AP3S1: variants seen among roughly 807,000 people sequenced by gnomAD.
The protein encoded by AP3S1 is adaptor related protein complex 3 subunit sigma 1, also known as AP-3 complex subunit sigma-1.
A neutral mutation model predicts 21.3 loss-of-function variants in AP3S1; 12 were observed. The observed-to-expected ratio is 0.56, with a 90% confidence interval of 0.36 to 0.91. The LOEUF is 0.91. AP3S1 is among the 40% of genes least tolerant of loss of function. AP3S1 has a pLI of 0.01. For synonymous variants in AP3S1, 48 were observed against 78.4 expected, an observed-to-expected ratio of 0.61 and a Z score of 2.05; for missense variants, 116 against 225.0, an observed-to-expected ratio of 0.52 and a Z score of 3.10.
chr5:115,913,165 A>G (rs549669385), intron 5 of AP3S1, among the ~76,000 whole-genome samples, 197 bp from the exon 6 acceptor site: 49 of 152,166 alleles, frequency 3.2e-4, no homozygotes, highest in Non-Finnish European at 3.7e-4. Flanking sequence ...TGTTCACTGT[A>G]TTTTTTAATG....
At chr5:115,842,237 C>A (rs1761637703) in intron 1 of AP3S1, 131 bp downstream of exon 1, 8 of 1,339,764 alleles carry the variant, frequency 6.0e-6, no homozygotes, top group South Asian at 1.6e-5. Flanking sequence ...GCCTGGCGCT[C>A]GCCAGCTGTC....
intron 1 of AP3S1, among the ~76,000 whole-genome samples, chr5:115,850,571 G>C (rs917815456): frequency 3.3e-5 from 5 of 152,046 alleles, no homozygotes; most frequent in African/African-American, 9.7e-5. Context: ...GTGTCTCTAT[G>C]AATTTGACTG....
intron 3 of AP3S1, among the ~76,000 whole-genome samples, chr5:115,891,086 G>C (rs921950918): frequency 1.3e-5 from 2 of 152,164 alleles, no homozygotes; most frequent in Non-Finnish European, 2.9e-5. Flanking sequence ...AATGAGTAAA[G>C]TCATTTCAGG....
chr5:115,850,416 A>T (rs1762359280), intron 1 of AP3S1, among the ~76,000 whole-genome samples: 2 of 152,232 alleles, frequency 1.3e-5, no homozygotes, highest in Admixed American at 1.3e-4. Context: ...GTTTTGTGGC[A>T]TGAAGTATAT....
At chr5:115,869,831 G>A (rs1317600732) in intron 2 of AP3S1, among the ~76,000 whole-genome samples, 186 bp from the exon 3 acceptor site, 1 of 152,154 alleles carries the variant, frequency 6.6e-6, no homozygotes, top group Admixed American at 6.5e-5. Flanking sequence ...TCTTTTACTT[G>A]ATGTTTCTGA....
At chr5:115,885,183 G>A (rs1034645690) in intron 3 of AP3S1, among the ~76,000 whole-genome samples, 6 of 152,118 alleles carry the variant, frequency 3.9e-5, no homozygotes, top group Non-Finnish European at 1.5e-5. Context: ...GTGTTCTCCA[G>A]AGAGACAGAC....
chr5:115,911,502 T>TA (rs1434409609), intron 5 of AP3S1, among the ~76,000 whole-genome samples: 1 of 152,064 alleles, frequency 6.6e-6, no homozygotes, highest in African/African-American at 2.4e-5. Flanking sequence ...AAATTGGTCT[T>TA]TTAACTAGAA....
rs1226193052 is a variant in AP3S1 at position 115,913,342 on chromosome 5, T to G, written c.454-20T>G. On this transcript the variant is annotated intron_variant, in intron 5 of 5. Coordinates refer to ENST00000316788, the MANE Select transcript of AP3S1 (RefSeq NM_001284.4). ...CTGAGTTGTACATTTTCTTTTTCTT[T>G]TATTTGCTTCTGTATACAGGCTGGC... The G allele has an allele frequency of 1.0e-6, 1 of 993,762 alleles. No homozygotes were observed. Among genetic ancestry groups the G allele is most frequent in the Non-Finnish European group, 1.2e-6 (1 of 829,178 alleles). 61.6% of individuals were successfully genotyped at this position (993,762 alleles called of 1,614,324 possible). A position where few individuals can be genotyped will look rare whatever the true frequency, so the allele number is the denominator to read the frequency against.
At chr5:115,903,071 T>A in intron 5 of AP3S1, 79 bp downstream of exon 5, 1 of 1,044,856 alleles carries the variant, frequency 9.6e-7, no homozygotes, top group Non-Finnish European at 1.4e-6. Flanking sequence ...TTTCACTGTT[T>A]GTCCTTCAGT....
rs1056242890 is a variant in AP3S1, at chr5:115,895,083, A to G, written c.274-4A>G. The G allele has an allele frequency of 1.1e-5, 18 of 1,588,242 alleles. No homozygotes were observed. Among genetic ancestry groups the G allele is most frequent in the East Asian group, 2.3e-5 (1 of 44,324 alleles). On this transcript the variant is annotated splice_polypyrimidine_tract_variant and splice_region_variant and intron_variant, in intron 3 of 5. Transcript: ENST00000316788. ...TTCTTAAAACCTTTTTTCTTTTTCC[A>G]TAGGTATTTGTGGAAACATTAGACA...
intron 1 of AP3S1, among the ~76,000 whole-genome samples, chr5:115,861,860 C>CTTTTTTTT (rs1485174401): frequency 5.0e-5 from 6 of 120,116 alleles, no homozygotes; most frequent in African/African-American, 9.8e-5. Context: ...ATTTTCTTTT[C>CTTTTTTTT]TTTTCTTTTT....
At chr5:115,902,743 G>A (rs1272775191) in intron 4 of AP3S1, 142 bp from the exon 5 acceptor site, 10 of 545,636 alleles carry the variant, frequency 1.8e-5, no homozygotes, top group Non-Finnish European at 3.2e-5. Context: ...TGATGAAAGT[G>A]GATTATGAGC....
At chr5:115,862,798 T>C (rs949367930) in intron 1 of AP3S1, among the ~76,000 whole-genome samples, 3 of 152,218 alleles carry the variant, frequency 2.0e-5, no homozygotes, top group Admixed American at 6.5e-5. Flanking sequence ...AATAACACTA[T>C]GGGAGTCATA....
intron 4 of AP3S1, among the ~76,000 whole-genome samples, chr5:115,901,537 T>C (rs1004076974): frequency 7.9e-5 from 12 of 151,286 alleles, no homozygotes; most frequent in African/African-American, 2.7e-4. Context: ...AAATGAAAAA[T>C]AGTAAATAAT....
intron 3 of AP3S1, among the ~76,000 whole-genome samples, chr5:115,873,575 A>G (rs1039000293): frequency 5.9e-5 from 9 of 152,152 alleles, no homozygotes; most frequent in African/African-American, 2.2e-4. Flanking sequence ...TTTCCCCTTC[A>G]ATTACCACAG....
intron 1 of AP3S1, among the ~76,000 whole-genome samples, chr5:115,850,606 A>G (rs561942300): frequency 6.6e-6 from 1 of 152,300 alleles, no homozygotes; most frequent in Admixed American, 6.5e-5. Flanking sequence ...TATAGGAGGA[A>G]TCATAGAATT....
chr5:115,904,042 A>G (rs1375783657), intron 5 of AP3S1: 1 of 152,076 alleles, frequency 6.6e-6, no homozygotes, highest in East Asian at 1.9e-4. Flanking sequence ...AGATCACATC[A>G]CTGCACTCCT....
chr5:115,895,185 C>G, intron 4 of AP3S1, 27 bp downstream of exon 4: 7 of 1,482,864 alleles, frequency 4.7e-6, no homozygotes, highest in Non-Finnish European at 6.4e-6. Context: ...CACATCTAAG[C>G]TTTTTAAGAA....
At chr5:115,854,091 C>T (rs2112789752) in intron 1 of AP3S1, among the ~76,000 whole-genome samples, 1 of 152,254 alleles carries the variant, frequency 6.6e-6, no homozygotes, top group African/African-American at 2.4e-5. Flanking sequence ...ACATGGTATG[C>T]ACACGTGGGC....
Sources: gnomAD v4.1 joint callset for allele counts (sites outside exome capture counted in the v4.1 genomes callset) on GRCh38, gnomAD v4.1.1 for gene constraint, MANE v1.5 for transcripts, NCBI Gene and HGNC (gene_info 2026-07-23, HGNC 2026-07-21) for gene names.